CALD1: variants seen among roughly 807,000 people sequenced by gnomAD.
The protein encoded by CALD1 is caldesmon.
CALD1 carries 33 observed loss-of-function variants against 99.9 expected under a neutral mutation model. That is an observed-to-expected ratio of 0.33 (90% CI 0.25 to 0.44). CALD1 has a LOEUF of 0.44. CALD1 is among the 20% of genes least tolerant of loss of function. The pLI, the probability that CALD1 is intolerant of heterozygous loss-of-function variation, is 1.00. For synonymous variants in CALD1, 310 were observed against 325.0 expected (o/e 0.95, Z 0.50); for missense variants, 861 against 962.1 (o/e 0.89, Z 1.39).
intron 2 of CALD1, among the ~76,000 whole-genome samples, chr7:134,860,930 G>T (rs1800536028): frequency 6.6e-6 from 1 of 152,206 alleles, no homozygotes; most frequent in African/African-American, 2.4e-5. Flanking sequence ...TGTAGAGGTA[G>T]AAAGTTGTAA....
At chr7:134,768,906 T>A (rs986945447) in intron 1 of CALD1, among the ~76,000 whole-genome samples, 1 of 152,138 alleles carries the variant, frequency 6.6e-6, no homozygotes, top group African/African-American at 2.4e-5. Flanking sequence ...CATTCTCATA[T>A]GCATTCTTAA....
chr7:134,734,964 C>T, the CALD1 span: 1 of 206,950 alleles, frequency 4.8e-6, no homozygotes. Flanking sequence ...CATCATGGTA[C>T]TGTTGGTAGG....
intron 3 of CALD1, among the ~76,000 whole-genome samples, chr7:134,884,456 C>T (rs2132450015): frequency 6.6e-6 from 1 of 152,112 alleles, no homozygotes; most frequent in African/African-American, 2.4e-5. Flanking sequence ...GGGAGGTGCC[C>T]TGGTTGGGAA....
upstream of CALD1, among the ~76,000 whole-genome samples, chr7:134,740,889 C>T (rs1254288419): frequency 1.3e-5 from 2 of 152,224 alleles, no homozygotes; most frequent in Non-Finnish European, 1.5e-5. Context: ...TGGATTCTTA[C>T]CATGTGCAAG....
intron 5 of CALD1, 25 bp downstream of exon 5, chr7:134,934,102 T>C: frequency 6.3e-7 from 1 of 1,586,382 alleles, no homozygotes; most frequent in Non-Finnish European, 8.6e-7. Flanking sequence ...TTGCACCAAA[T>C]GTGTGATGCC....
At position 134,887,897 on chromosome 7, in the gene CALD1, T is replaced by C. The variant is rs145772288; in HGVS notation, c.71+20093T>C. Among the ~76,000 whole-genome samples, 13 of 152,236 alleles carry C rather than the reference T, an allele frequency of 8.5e-5. No individual in the cohort carries two copies. The East Asian group carries it at 2.5e-3, about 29-fold the overall frequency. ...CTGTATGTGTGTGTATGTGTGTGCA[T>C]GTGTGTCATAAGCGCATTAGGGCAT... On this transcript the variant is annotated intron_variant, in intron 3 of 14. Transcript: ENST00000361675.
At chr7:134,762,342 A>C (rs1796786026) in intron 1 of CALD1, among the ~76,000 whole-genome samples, 1 of 152,214 alleles carries the variant, frequency 6.6e-6, no homozygotes, top group Non-Finnish European at 1.5e-5. Flanking sequence ...TAGATAATGT[A>C]GAATGGTCTC....
intron 3 of CALD1, among the ~76,000 whole-genome samples, chr7:134,890,357 G>A (rs1802093574): frequency 6.6e-6 from 1 of 152,234 alleles, no homozygotes; most frequent in Non-Finnish European, 1.5e-5. Context: ...CATTGGGTGA[G>A]TTGTCTAAAT....
At chr7:134,772,460 A>G (rs1318427289) in intron 1 of CALD1, among the ~76,000 whole-genome samples, 5 of 152,100 alleles carry the variant, frequency 3.3e-5, no homozygotes, top group Non-Finnish European at 7.3e-5. Flanking sequence ...TATTTATTAC[A>G]TTTTCAATAG....
At chr7:134,912,015 G>A (rs982824299) in intron 3 of CALD1, among the ~76,000 whole-genome samples, 6 of 152,106 alleles carry the variant, frequency 3.9e-5, no homozygotes, top group Non-Finnish European at 8.8e-5. Flanking sequence ...GGACAGATAA[G>A]CGGGGTCTCG....
intron 1 of CALD1, among the ~76,000 whole-genome samples, chr7:134,788,769 C>G (rs1335415448): frequency 6.6e-6 from 1 of 152,132 alleles, no homozygotes; most frequent in East Asian, 1.9e-4. Flanking sequence ...AGTCCCAGCA[C>G]TTTGGGTGGC....
At chr7:134,878,552 G>C (rs1184218205) in intron 3 of CALD1, among the ~76,000 whole-genome samples, 1 of 152,136 alleles carries the variant, frequency 6.6e-6, no homozygotes, top group South Asian at 2.1e-4. Context: ...CTGGGTGATA[G>C]AGCGAGACCC....
At chr7:134,803,694 T>C (rs62462526) in intron 1 of CALD1, among the ~76,000 whole-genome samples, 1,679 of 98,230 alleles carry the variant, frequency 0.017, 13 homozygotes, top group Admixed American at 0.031. Context: ...GGTGTGGGTC[T>C]AATTTTTTTT....
intron 12 of CALD1, 79 bp downstream of exon 12, chr7:134,960,190 A>G: frequency 1.3e-6 from 2 of 1,484,890 alleles, no homozygotes; most frequent in East Asian, 4.5e-5. Flanking sequence ...GAATCACACT[A>G]GTAAATAATA....
At chr7:134,767,150 A>T (rs1796833413) in intron 1 of CALD1, among the ~76,000 whole-genome samples, 1 of 151,756 alleles carries the variant, frequency 6.6e-6, no homozygotes, top group South Asian at 2.1e-4. Context: ...CTGCAAAGAT[A>T]TTTCAGTTCT....
the CALD1 span, among the ~76,000 whole-genome samples, chr7:134,736,452 T>C: frequency 6.6e-6 from 1 of 152,202 alleles, no homozygotes; most frequent in African/African-American, 2.4e-5. Flanking sequence ...ACTGATCCTT[T>C]GCAAAATGGG....
At chr7:134,863,950 GGAAA>G (rs1395331408) in intron 2 of CALD1, among the ~76,000 whole-genome samples, 2 of 152,162 alleles carry the variant, frequency 1.3e-5, no homozygotes, top group Non-Finnish European at 2.9e-5. Flanking sequence ...AGGAAGGAAA[GGAAA>G]GAGAGGAAAG....
intron 1 of CALD1, among the ~76,000 whole-genome samples, chr7:134,789,151 C>G (rs1797423762): frequency 6.6e-6 from 1 of 151,326 alleles, no homozygotes; most frequent in African/African-American, 2.4e-5. Flanking sequence ...TAGAACAGTG[C>G]CTGGCACATG....
At chr7:134,761,384 T>C (rs926519450) in intron 1 of CALD1, among the ~76,000 whole-genome samples, 3 of 152,280 alleles carry the variant, frequency 2.0e-5, no homozygotes, top group African/African-American at 7.2e-5. Flanking sequence ...CTGAAACCAC[T>C]GCTCCATAAT....
Sources: allele counts gnomAD v4.1 joint callset (sites outside exome capture counted in the v4.1 genomes callset), GRCh38; gene constraint gnomAD v4.1.1; transcripts MANE v1.5; gene names NCBI Gene and HGNC (gene_info 2026-07-23, HGNC 2026-07-21).